Variants in SLC4A4 observed in about 807,000 individuals in gnomAD.
SLC4A4 encodes the protein electrogenic sodium bicarbonate cotransporter 1.
In SLC4A4, 27 loss-of-function variants were observed where a neutral mutation model predicts 111.5. The observed-to-expected ratio is 0.24, with a 90% CI of 0.18 to 0.33. SLC4A4 has a LOEUF of 0.33. SLC4A4 is among the 10% of genes least tolerant of loss of function. The pLI, the probability that SLC4A4 is intolerant of heterozygous loss-of-function variation, is 1.00. For synonymous variants in SLC4A4, 443 were observed against 463.4 expected, an observed-to-expected ratio of 0.96 and a Z score of 0.57; for missense variants, 909 against 1,315.5, an observed-to-expected ratio of 0.69 and a Z score of 4.78.
intron 19 of SLC4A4, among the ~76,000 whole-genome samples, chr4:71,547,208 G>C (rs1489460263): frequency 6.6e-6 from 1 of 151,942 alleles, no homozygotes; most frequent in Admixed American, 6.6e-5. Flanking sequence ...GTGATTTATT[G>C]TGCTAATGAA....
At chr4:71,537,337 A>G (rs1023446591) in intron 18 of SLC4A4, among the ~76,000 whole-genome samples, 1 of 152,018 alleles carries the variant, frequency 6.6e-6, no homozygotes, top group African/African-American at 2.4e-5. Flanking sequence ...ATGTGTGTAT[A>G]TATTATACAT....
At chr4:71,244,179 T>G (rs1020801200) in intron 2 of SLC4A4, among the ~76,000 whole-genome samples, 1 of 152,178 alleles carries the variant, frequency 6.6e-6, no homozygotes, top group African/African-American at 2.4e-5. Context: ...ACAAATTAAA[T>G]TAGTATCTGA....
intron 16 of SLC4A4, among the ~76,000 whole-genome samples, chr4:71,524,111 T>C (rs1048997699): frequency 6.6e-6 from 1 of 152,186 alleles, no homozygotes; most frequent in African/African-American, 2.4e-5. Flanking sequence ...TGTGATAGAC[T>C]TCACATAGTT....
At chr4:71,064,020 G>A (rs1038694440) in intron 1 of SLC4A4, among the ~76,000 whole-genome samples, 2 of 151,970 alleles carry the variant, frequency 1.3e-5, no homozygotes, top group African/African-American at 4.8e-5. Context: ...CTGTATGTCT[G>A]TATCAAAATA....
intron 2 of SLC4A4, among the ~76,000 whole-genome samples, chr4:71,127,126 G>T (rs1300940675): frequency 6.6e-6 from 1 of 152,110 alleles, no homozygotes; most frequent in Non-Finnish European, 1.5e-5. Flanking sequence ...TGCTAACATC[G>T]TATTAACATG....
intron 1 of SLC4A4, among the ~76,000 whole-genome samples, chr4:71,083,489 T>C (rs1286718642): frequency 1.3e-5 from 2 of 152,002 alleles, no homozygotes; most frequent in Admixed American, 6.6e-5. Context: ...TTCCTGATTC[T>C]GATTATTAAG....
intron 2 of SLC4A4, among the ~76,000 whole-genome samples, chr4:71,166,710 C>T (rs1744787436): frequency 6.6e-6 from 1 of 152,154 alleles, no homozygotes; most frequent in African/African-American, 2.4e-5. Flanking sequence ...TACTATCAAA[C>T]TTAATTTTTC....
chr4:71,397,291 A>G (rs920243448), intron 6 of SLC4A4, among the ~76,000 whole-genome samples: 1 of 152,214 alleles, frequency 6.6e-6, no homozygotes, highest in African/African-American at 2.4e-5. Flanking sequence ...GAACAATTTT[A>G]TTTTTATGCT....
chr4:71,354,462 A>G (rs1730108221), intron 5 of SLC4A4, among the ~76,000 whole-genome samples: 1 of 152,232 alleles, frequency 6.6e-6, no homozygotes. Flanking sequence ...CAATACTGCA[A>G]CATTGTCATC....
At chr4:71,455,463 G>A (rs1726151236) in intron 12 of SLC4A4, among the ~76,000 whole-genome samples, 1 of 152,130 alleles carries the variant, frequency 6.6e-6, no homozygotes, top group Non-Finnish European at 1.5e-5. Flanking sequence ...CTAAATGACA[G>A]CGTAAGGATA....
At chr4:71,471,385 C>T (rs1417840808) in intron 13 of SLC4A4, among the ~76,000 whole-genome samples, 5 of 151,770 alleles carry the variant, frequency 3.3e-5, no homozygotes, top group South Asian at 4.2e-4. Flanking sequence ...TTGAGTGAGG[C>T]GAGTATAGAT....
chr4:71,264,148 C>T (rs1266459961), intron 3 of SLC4A4, among the ~76,000 whole-genome samples: 1 of 152,034 alleles, frequency 6.6e-6, no homozygotes, highest in Non-Finnish European at 1.5e-5. Context: ...ATGTTGCTTT[C>T]AGAGATGAAA....
intron 18 of SLC4A4, among the ~76,000 whole-genome samples, chr4:71,536,676 A>G (rs1734532445): frequency 6.7e-6 from 1 of 149,656 alleles, no homozygotes; most frequent in South Asian, 2.1e-4. Context: ...TTGTATTTTT[A>G]GTAGAGACGG....
chr4:71,393,278 C>T (rs1645330491), intron 6 of SLC4A4, among the ~76,000 whole-genome samples: 1 of 152,116 alleles, frequency 6.6e-6, no homozygotes. Context: ...GAAGACTCCT[C>T]CAGAAAGCTC....
intron 7 of SLC4A4, among the ~76,000 whole-genome samples, chr4:71,406,499 T>G (rs891918712): frequency 2.6e-5 from 4 of 152,168 alleles, no homozygotes; most frequent in Non-Finnish European, 4.4e-5. Flanking sequence ...CTTGTCTGAT[T>G]GATCCAGTGG....
intron 14 of SLC4A4, 183 bp downstream of exon 14, chr4:71,473,153 A>T: frequency 1.4e-6 from 1 of 734,354 alleles, no homozygotes; most frequent in Non-Finnish European, 2.4e-6. Context: ...GTATGATTCA[A>T]CCAGGAAGGA....
At chr4:71,143,706 T>TG (rs1292967860) in intron 2 of SLC4A4, among the ~76,000 whole-genome samples, 3 of 152,022 alleles carry the variant, frequency 2.0e-5, no homozygotes, top group Admixed American at 6.6e-5. Context: ...CCAGTGATGA[T>TG]AGCATTTTAC....
chr4:71,260,765 C>A (rs530880182), intron 3 of SLC4A4, among the ~76,000 whole-genome samples: 1 of 152,234 alleles, frequency 6.6e-6, no homozygotes, highest in African/African-American at 2.4e-5. Context: ...AGCAGTGTAA[C>A]CTTGGTTATT....
chr4:71,413,761 T>G (rs1721600514), intron 7 of SLC4A4, among the ~76,000 whole-genome samples: 1 of 152,170 alleles, frequency 6.6e-6, no homozygotes, highest in South Asian at 2.1e-4. Context: ...GGGCCAAAAC[T>G]GAGCCCTTCT....
Sources: gnomAD v4.1 joint callset for allele counts (sites outside exome capture counted in the v4.1 genomes callset) on GRCh38, gnomAD v4.1.1 for gene constraint, MANE v1.5 for transcripts, NCBI Gene and HGNC (gene_info 2026-07-23, HGNC 2026-07-21) for gene names.